PCDHGA2: variants seen among roughly 807,000 people sequenced by gnomAD.
The protein encoded by PCDHGA2 is protocadherin gamma subfamily A, 2.
In PCDHGA2, 40 loss-of-function variants were observed where a neutral mutation model predicts 59.2. That is an observed-to-expected ratio of 0.68 (90% CI 0.52 to 0.88). The LOEUF is 0.88. Ranked by LOEUF, PCDHGA2 falls within the 40% of genes least tolerant of loss-of-function variation. The pLI is 0.00. For synonymous variants in PCDHGA2, 560 were observed against 526.0 expected, an observed-to-expected ratio of 1.06 and a Z score of -0.89; for missense variants, 1,226 against 1,204.0, an observed-to-expected ratio of 1.02 and a Z score of -0.27.
At chr5:141,452,951 G>A (rs1397204185) in intron 1 of PCDHGA2, among the ~76,000 whole-genome samples, 1 of 152,154 alleles carries the variant, frequency 6.6e-6, no homozygotes, top group Admixed American at 6.6e-5. Context: ...GCAATTGGTT[G>A]TCTTTAAACT....
chr5:141,443,561 C>T (rs1487096752), intron 1 of PCDHGA2, among the ~76,000 whole-genome samples: 3 of 152,118 alleles, frequency 2.0e-5, no homozygotes, highest in Non-Finnish European at 1.5e-5. Context: ...AATTCAAATG[C>T]TTTAAATGGA....
rs370503146 is a variant in PCDHGA2 at position 141,511,012 on chromosome 5, G to A, written c.2638G>A (p.Gly880Arg). 11 of 1,614,060 alleles carry A rather than the reference G, an allele frequency of 6.8e-6. No individual in the cohort carries two copies. Among genetic ancestry groups the A allele is most frequent in the Middle Eastern group, 1.6e-4 (1 of 6,084 alleles). ...AGTMGLSARYGPQFTLQHVPD... is the reference protein window; with the variant it reads ...AGTMGLSARYRPQFTLQHVPD... The stretch of plus-strand genomic sequence containing the variant: ...CACCATGGGATTGAGCGCCCGCTAC[G>A]GACCCCAGTTCACCCTGCAGCACGT... The change falls in exon 4 of 4, where the codon GGA (glycine) becomes AGA (arginine). Residue 880 changes from glycine (G) to arginine (R), a missense_variant. Transcript: ENST00000394576.
chr5:141,394,395 C>G (rs1238779909), intron 1 of PCDHGA2: 2 of 1,614,146 alleles, frequency 1.2e-6, no homozygotes, highest in Non-Finnish European at 1.7e-6. Context: ...GATCCGAGAC[C>G]TGCAGCTACT....
At position 141,422,108 on chromosome 5, in the gene PCDHGA2, A is replaced by G. The variant is rs766617894; in HGVS notation, c.2425-72699A>G. 4.4e-6 allele frequency: 7 copies of G among 1,606,984 alleles called. No homozygotes were observed. In the East Asian group the frequency reaches 1.6e-4, roughly 36 times the overall value. ...GAAAGCAAGGCTTCTGAAATATTCCAATTGGATTCACAAACTGGAGAAGTT... is the reference window on the plus strand; with the variant it reads ...GAAAGCAAGGCTTCTGAAATATTCCGATTGGATTCACAAACTGGAGAAGTT... On this transcript the variant is annotated intron_variant, in intron 1 of 3. Transcript: ENST00000394576.
In PCDHGA2 at chr5:141,491,681, C is replaced by A; in HGVS notation, c.2425-3126C>A. The A allele has an allele frequency of 6.2e-7, 1 of 1,613,458 alleles. No individual in the cohort carries two copies. Among genetic ancestry groups the A allele is most frequent in the Non-Finnish European group, 8.5e-7 (1 of 1,179,804 alleles). ...GACGCCATCCGGTCCCGCTCTAATA[C>A]GCTGCGGGAGCGGAGCCAGGTGAGG... On this transcript the variant is annotated intron_variant, in intron 1 of 3. Coordinates refer to ENST00000394576, the MANE Select transcript of PCDHGA2 (RefSeq NM_018915.4). This position sits in a 1 kb window ranked among gnomAD's most constrained non-coding sequence, Gnocchi z 6.9.
intron 1 of PCDHGA2, chr5:141,424,460 C>T (rs2096822106): frequency 6.6e-6 from 1 of 152,056 alleles, no homozygotes; most frequent in African/African-American, 2.4e-5. Context: ...GTATTATTTC[C>T]TTTTATTCTT....
At chr5:141,467,596 C>G (rs2099147035) in intron 1 of PCDHGA2, among the ~76,000 whole-genome samples, 1 of 152,202 alleles carries the variant, frequency 6.6e-6, no homozygotes, top group South Asian at 2.1e-4. Context: ...ATTTATTAAG[C>G]ACTTCATCTT....
In PCDHGA2 at chr5:141,422,020, G is replaced by T. The variant is rs374562798; in HGVS notation, c.2425-72787G>T. The T allele has an allele frequency of 1.3e-5, 21 of 1,610,932 alleles. No individual in the cohort carries two copies. The East Asian group carries it at 3.8e-4, about 29-fold the overall frequency. On this transcript the variant is annotated intron_variant, in intron 1 of 3. Transcript: ENST00000394576. ...CAGCTCCGGAACTCGGGTGCTGATG[G>T]TTAATGCAACGGATCCAGACGAGGG...
chr5:141,397,961 G>C, intron 1 of PCDHGA2: 2 of 1,038,400 alleles, frequency 1.9e-6, no homozygotes, highest in Non-Finnish European at 2.7e-6. Context: ...CCCCAGCTCA[G>C]ACTCCCCAGC....
At chr5:141,386,122 A>G (rs980639132) in intron 1 of PCDHGA2, 1 of 152,152 alleles carries the variant, frequency 6.6e-6, no homozygotes, top group Non-Finnish European at 1.5e-5. Flanking sequence ...AAAGTGGGAG[A>G]TTGGGGATAC....
At chr5:141,459,891 CT>C (rs1405964049) in intron 1 of PCDHGA2, among the ~76,000 whole-genome samples, 1 of 152,158 alleles carries the variant, frequency 6.6e-6, no homozygotes, top group African/African-American at 2.4e-5. Flanking sequence ...TGAACGCCTT[CT>C]TAAAATTGAG....
chr5:141,459,285 A>G (rs1316912878), intron 1 of PCDHGA2, among the ~76,000 whole-genome samples: 1 of 152,202 alleles, frequency 6.6e-6, no homozygotes, highest in Non-Finnish European at 1.5e-5. Context: ...TTTCATCTAA[A>G]TGGAATCCTA....
intron 1 of PCDHGA2, chr5:141,355,328 C>T: frequency 6.2e-7 from 1 of 1,613,960 alleles, no homozygotes; most frequent in East Asian, 2.2e-5. Flanking sequence ...GAAGAAGGCT[C>T]AGTGGTGGGC....
intron 2 of PCDHGA2, among the ~76,000 whole-genome samples, chr5:141,503,292 A>T (rs7710319): frequency 0.52 from 78,681 of 151,966 alleles, 21,044 homozygotes; most frequent in African/African-American, 0.62. Flanking sequence ...TGGTACATAG[A>T]AATTGCTCAA....
At chr5:141,372,507 C>T (rs1393188281) in intron 1 of PCDHGA2, 2 of 1,614,044 alleles carry the variant, frequency 1.2e-6, no homozygotes, top group Admixed American at 3.3e-5. Context: ...GCTCTTCCTC[C>T]TCGCGGTGAT....
intron 3 of PCDHGA2, among the ~76,000 whole-genome samples, chr5:141,509,907 C>T (rs149338646): frequency 3.3e-5 from 5 of 152,182 alleles, no homozygotes; most frequent in South Asian, 2.1e-4. Context: ...TTCCAGCATG[C>T]GCTTAGGTAC....
At chr5:141,371,483 G>T in intron 1 of PCDHGA2, 1 of 1,613,952 alleles carries the variant, frequency 6.2e-7, no homozygotes, top group Non-Finnish European at 8.5e-7. Context: ...CTGAGCTGGG[G>T]ACTGCCGTTG....
At chr5:141,415,683 G>C in intron 1 of PCDHGA2, 1 of 1,517,194 alleles carries the variant, frequency 6.6e-7, no homozygotes, top group African/African-American at 1.4e-5. Flanking sequence ...TTTGCGGCAT[G>C]ATGGTGGAAA....
At chr5:141,367,089 C>A in intron 1 of PCDHGA2, 1 of 258,634 alleles carries the variant, frequency 3.9e-6, no homozygotes, top group Non-Finnish European at 7.4e-6. Flanking sequence ...ATATTGTTCT[C>A]TTTTGAGTGT....
Sources: gnomAD v4.1 joint callset for allele counts (sites outside exome capture counted in the v4.1 genomes callset) on GRCh38, gnomAD v4.1.1 for gene constraint, Gnocchi (gnomAD v3.1) non-coding constraint, MANE v1.5 for transcripts, NCBI Gene and HGNC (gene_info 2026-07-23, HGNC 2026-07-21) for gene names.